Variants in FNDC3A observed in about 807,000 individuals in gnomAD.
FNDC3A encodes fibronectin type-III domain-containing protein 3A.
FNDC3A carries 32 observed loss-of-function variants against 148.9 expected under a neutral mutation model. That is an observed-to-expected ratio of 0.21 (90% CI 0.16 to 0.29). FNDC3A has a LOEUF of 0.29. Among genes scored for constraint, FNDC3A ranks in the 10% least tolerant of loss-of-function variants. FNDC3A has a pLI of 1.00. For synonymous variants in FNDC3A, 472 were observed against 473.6 expected, an observed-to-expected ratio of 1.00 and a Z score of 0.04; for missense variants, 1,191 against 1,452.8, an observed-to-expected ratio of 0.82 and a Z score of 2.93.
intron 2 of FNDC3A, among the ~76,000 whole-genome samples, chr13:49,061,391 TCCCTCCCCTTCCCTCCCCTC>T (rs1876700201): frequency 7.9e-4 from 2 of 2,544 alleles, no homozygotes; most frequent in Non-Finnish European, 6.5e-4. Flanking sequence ...TCCCTTCCCT[TCCCTCCCCTTCCCTCCCCTC>T]CCCTCCCCTC....
chr13:49,057,443 A>T (rs896735430), intron 2 of FNDC3A, among the ~76,000 whole-genome samples: 1 of 152,128 alleles, frequency 6.6e-6, no homozygotes, highest in African/African-American at 2.4e-5. Flanking sequence ...CACCCCTCTT[A>T]TGCCAGATAA....
At chr13:49,123,950 A>T (rs1406782920) in intron 4 of FNDC3A, among the ~76,000 whole-genome samples, 1 of 152,206 alleles carries the variant, frequency 6.6e-6, no homozygotes, top group East Asian at 1.9e-4. Context: ...TTCCTCAAGG[A>T]TCTAGAACCA....
intron 14 of FNDC3A, among the ~76,000 whole-genome samples, chr13:49,179,355 C>G (rs1432314396): frequency 2.6e-5 from 4 of 152,076 alleles, no homozygotes; most frequent in Non-Finnish European, 5.9e-5. Context: ...CTTGATAAAG[C>G]CTGTATCTAC....
chr13:49,186,862 CA>C (rs1168043421), intron 15 of FNDC3A, among the ~76,000 whole-genome samples: 1 of 151,596 alleles, frequency 6.6e-6, no homozygotes, highest in Non-Finnish European at 1.5e-5. Context: ...AGTGAGACTC[CA>C]TCTAAAAAAA....
At chr13:49,115,186 G>A (rs200515980) in intron 4 of FNDC3A, among the ~76,000 whole-genome samples, 4 of 97,080 alleles carry the variant, frequency 4.1e-5, no homozygotes, top group Admixed American at 2.1e-4. Context: ...AGGGATGAGG[G>A]GGGGGGGGAA....
chr13:49,016,296 A>G (rs1370484922), intron 2 of FNDC3A, among the ~76,000 whole-genome samples: 1 of 152,080 alleles, frequency 6.6e-6, no homozygotes, highest in African/African-American at 2.4e-5. Context: ...TTATTGGTCT[A>G]TTCAGAGATT....
intron 19 of FNDC3A, among the ~76,000 whole-genome samples, chr13:49,194,983 A>G (rs1886078015): frequency 1.3e-5 from 2 of 152,088 alleles, no homozygotes; most frequent in African/African-American, 4.8e-5. Context: ...TTCTATAAGG[A>G]AGTTGGAGTT....
At chr13:49,070,286 C>T (rs1343108773) in intron 2 of FNDC3A, among the ~76,000 whole-genome samples, 1 of 151,880 alleles carries the variant, frequency 6.6e-6, no homozygotes, top group Non-Finnish European at 1.5e-5. Context: ...CACCCGCCAC[C>T]ACGCCCAGCT....
chr13:49,019,538 T>C (rs1281223266), intron 2 of FNDC3A, among the ~76,000 whole-genome samples: 1 of 152,168 alleles, frequency 6.6e-6, no homozygotes, highest in Admixed American at 6.5e-5. Flanking sequence ...GTACCTCAGA[T>C]GGAAATGCAG....
intron 5 of FNDC3A, among the ~76,000 whole-genome samples, chr13:49,133,599 C>A (rs1366245763): frequency 1.3e-5 from 2 of 152,192 alleles, no homozygotes; most frequent in Admixed American, 1.3e-4. Context: ...ATGTCCTTTC[C>A]ATGCACAATC....
intron 14 of FNDC3A, among the ~76,000 whole-genome samples, chr13:49,181,207 A>C (rs1312302693): frequency 6.6e-6 from 1 of 152,268 alleles, no homozygotes; most frequent in African/African-American, 2.4e-5. Flanking sequence ...AAATTCTCCC[A>C]GATAATGAGG....
intron 8 of FNDC3A, among the ~76,000 whole-genome samples, chr13:49,155,682 C>T (rs1365031948): frequency 3.2e-5 from 3 of 93,978 alleles, no homozygotes; most frequent in Non-Finnish European, 6.5e-5. Flanking sequence ...CCTCTACACA[C>T]TGCTTTGAAT....
chr13:49,189,204 A>G (rs1014036496), intron 17 of FNDC3A, among the ~76,000 whole-genome samples: 3 of 148,764 alleles, frequency 2.0e-5, no homozygotes, highest in Non-Finnish European at 4.4e-5. Flanking sequence ...TCTGTCGCCC[A>G]GGCTGGAGTG....
In FNDC3A at chr13:49,150,611, T is replaced by C. The variant is rs1883233609; in HGVS notation, c.977+4676T>C. Among the ~76,000 whole-genome samples, 2 of 152,068 alleles carry C rather than the reference T, an allele frequency of 1.3e-5. 1 individual carries two copies. Among genetic ancestry groups the C allele is most frequent in the South Asian group, 4.1e-4 (2 of 4,830 alleles). ...TTGTTATTGATTTCTAGTTTTATTC[T>C]ATTAAGTTATTAGAAAATATATGAT... On this transcript the variant is annotated intron_variant, in intron 8 of 25. Transcript: ENST00000492622.
At chr13:49,161,946 C>G (rs1884155644) in intron 8 of FNDC3A, among the ~76,000 whole-genome samples, 2 of 152,208 alleles carry the variant, frequency 1.3e-5, no homozygotes, top group Non-Finnish European at 2.9e-5. Flanking sequence ...CCACTCTCTT[C>G]TGGCTTGTAG....
At chr13:49,171,948 C>A in intron 10 of FNDC3A, 95 bp from the exon 11 acceptor site, 2 of 830,242 alleles carry the variant, frequency 2.4e-6, no homozygotes, top group South Asian at 1.8e-5. Flanking sequence ...CAGAAAACAT[C>A]TGCCACATAA....
At position 49,025,524 on chromosome 13, in the gene FNDC3A, ACC is replaced by A. The variant is rs1246200306; in HGVS notation, c.99+19236_99+19237del. On this transcript the variant is annotated intron_variant, in intron 2 of 25. Coordinates refer to ENST00000492622, the MANE Select transcript of FNDC3A (RefSeq NM_001079673.2). ...TTATTGACCACTTAATAGCCTATAT[ACC>A]TATATAATACAGAAACTGGCATTTA... Among the ~76,000 whole-genome samples, 3 of 152,078 alleles carry A rather than the reference ACC, an allele frequency of 2.0e-5. No homozygotes were observed. In the East Asian group the frequency reaches 5.8e-4, roughly 29 times the overall value.
chr13:49,022,513 A>G (rs986810463), intron 2 of FNDC3A, among the ~76,000 whole-genome samples: 1 of 152,168 alleles, frequency 6.6e-6, no homozygotes, highest in African/African-American at 2.4e-5. Flanking sequence ...ATTTGTAAAT[A>G]TATGCATTTA....
At chr13:49,102,453 T>C (rs750042383) in intron 3 of FNDC3A, among the ~76,000 whole-genome samples, 2 of 152,224 alleles carry the variant, frequency 1.3e-5, no homozygotes, top group African/African-American at 2.4e-5. Context: ...GGGTTTTCCA[T>C]CCAAATGTCA....
Sources: gnomAD v4.1 joint callset for allele counts (sites outside exome capture counted in the v4.1 genomes callset) on GRCh38, gnomAD v4.1.1 for gene constraint, MANE v1.5 for transcripts, NCBI Gene and HGNC (gene_info 2026-07-23, HGNC 2026-07-21) for gene names.